Variants in POU2F1 observed in about 807,000 individuals in gnomAD.
The protein encoded by POU2F1 is POU class 2 homeobox 1.
In POU2F1, 16 loss-of-function variants were observed where a neutral mutation model predicts 84.9. The observed-to-expected ratio is 0.19, with a 90% confidence interval of 0.13 to 0.29. The LOEUF is 0.29. POU2F1 is among the 10% of genes least tolerant of loss of function. POU2F1 has a pLI of 1.00. For missense variants in POU2F1, 738 were observed against 942.6 expected (o/e 0.78, Z 2.84); for synonymous variants, 368 against 368.3 (o/e 1.00, Z 0.01).
chr1:167,256,874 T>C (rs1211001801), intron 1 of POU2F1, among the ~76,000 whole-genome samples: 1 of 152,210 alleles, frequency 6.6e-6, no homozygotes, highest in Admixed American at 6.5e-5. Context: ...ATCTTTATTT[T>C]GAGGCAGTCA....
rs145436336 is a variant in POU2F1 at position 167,366,478 on chromosome 1, C to T, written c.228+911C>T. ...CTAAAGTCTTTTCATCAAAATATGT[C>T]ATCAGACCACCTAAACTATAAAAGA... is the stretch of plus-strand genomic sequence containing the variant. On this transcript the variant is annotated intron_variant, in intron 3 of 15. Coordinates refer to ENST00000367866, the MANE Select transcript of POU2F1 (RefSeq NM_002697.4). Among the ~76,000 whole-genome samples, 27 of 152,246 alleles carry T rather than the reference C, an allele frequency of 1.8e-4. 1 individual carries two copies. The East Asian group carries it at 5.2e-3, about 29-fold the overall frequency.
At chr1:167,280,487 A>G (rs1195295490) in intron 1 of POU2F1, among the ~76,000 whole-genome samples, 1 of 152,134 alleles carries the variant, frequency 6.6e-6, no homozygotes, top group Admixed American at 6.5e-5. Flanking sequence ...TTCTATAGTC[A>G]GTCATCCTGT....
chr1:167,368,811 T>G (rs1378429271), intron 3 of POU2F1, among the ~76,000 whole-genome samples: 1 of 152,214 alleles, frequency 6.6e-6, no homozygotes, highest in Admixed American at 6.5e-5. Context: ...CTCTTAACTC[T>G]TCACTGAGCT....
intron 13 of POU2F1, among the ~76,000 whole-genome samples, chr1:167,411,112 T>C (rs1255681745): frequency 6.6e-6 from 1 of 151,834 alleles, no homozygotes; most frequent in South Asian, 2.1e-4. Context: ...CAATCTTGGC[T>C]CACTGCAACC....
intron 13 of POU2F1, among the ~76,000 whole-genome samples, chr1:167,404,539 T>G (rs1466256712): frequency 6.6e-6 from 1 of 152,180 alleles, no homozygotes. Context: ...TACACTAGAA[T>G]CCTTAGCGTT....
At chr1:167,392,471 C>G (rs773243293) in intron 9 of POU2F1, among the ~76,000 whole-genome samples, 2 of 152,104 alleles carry the variant, frequency 1.3e-5, no homozygotes, top group Admixed American at 6.5e-5. Flanking sequence ...AAGTTTTAAA[C>G]TATTAGCACA....
At position 167,365,583 on chromosome 1, in the gene POU2F1, T is replaced by C; in HGVS notation, c.228+16T>C. The stretch of plus-strand genomic sequence containing the variant: ...TCTCCATCAGGTAGGAATGTTCTGC[T>C]CAACCATCAGTGAGAGTGAAAGATA... On this transcript the variant is annotated intron_variant, in intron 3 of 15. Coordinates refer to ENST00000367866, the MANE Select transcript of POU2F1 (RefSeq NM_002697.4). 1.3e-6 allele frequency: 2 copies of C among 1,551,710 alleles called. No individual in the cohort carries two copies. The highest frequency in any genetic ancestry group is 8.7e-7 in the Non-Finnish European group (1 of 1,143,300).
chr1:167,267,630 C>CTTT (rs71073658), intron 1 of POU2F1, among the ~76,000 whole-genome samples: 4,417 of 70,338 alleles, frequency 0.063, 809 homozygotes, highest in African/African-American at 0.098. Flanking sequence ...GTTACTGTGT[C>CTTT]TTTTTTTTTT....
At chr1:167,365,402 T>C (rs1571377275) in intron 2 of POU2F1, 65 bp from the exon 3 acceptor site, 3 of 1,273,742 alleles carry the variant, frequency 2.4e-6, no homozygotes, top group Non-Finnish European at 3.2e-6. Flanking sequence ...TGTTGGTAAC[T>C]GAAATCTAGT....
intron 1 of POU2F1, among the ~76,000 whole-genome samples, chr1:167,288,486 C>G (rs145389041): frequency 2.0e-5 from 3 of 151,998 alleles, no homozygotes. Flanking sequence ...CTCAGGAGTT[C>G]GAGTCTAGCC....
At chr1:167,292,806 C>T (rs1471018415) in intron 1 of POU2F1, among the ~76,000 whole-genome samples, 2 of 152,108 alleles carry the variant, frequency 1.3e-5, no homozygotes. Context: ...GACAATCCAC[C>T]ATGATCAAGT....
intron 15 of POU2F1, chr1:167,414,623 T>TG: frequency 1.0e-6 from 1 of 985,406 alleles, no homozygotes; most frequent in Non-Finnish European, 1.2e-6. Flanking sequence ...GATGATGCCT[T>TG]CTTTGGGGAA....
At chr1:167,300,780 A>C (rs1654634249) in intron 1 of POU2F1, among the ~76,000 whole-genome samples, 1 of 150,004 alleles carries the variant, frequency 6.7e-6, no homozygotes, top group Admixed American at 6.6e-5. Flanking sequence ...TTTATTTTTT[A>C]TTTTTTTGGA....
intron 1 of POU2F1, among the ~76,000 whole-genome samples, chr1:167,270,586 C>A (rs544823547): frequency 5.9e-5 from 9 of 152,176 alleles, no homozygotes; most frequent in African/African-American, 1.9e-4. Flanking sequence ...ACTTGTAGTT[C>A]TAATATTTTC....
intron 1 of POU2F1, among the ~76,000 whole-genome samples, chr1:167,234,237 A>G (rs1450022236): frequency 6.6e-6 from 1 of 152,260 alleles, no homozygotes; most frequent in Non-Finnish European, 1.5e-5. Context: ...TCCCAGGTCC[A>G]GATTGTGTGC....
intron 1 of POU2F1, among the ~76,000 whole-genome samples, chr1:167,302,261 C>CT (rs1654756687): frequency 6.6e-6 from 1 of 150,396 alleles, no homozygotes; most frequent in African/African-American, 2.5e-5. Flanking sequence ...TTTTTTTTTT[C>CT]TTTTCTTTTT....
intron 1 of POU2F1, among the ~76,000 whole-genome samples, chr1:167,225,854 A>G (rs1449761084): frequency 6.6e-6 from 1 of 152,192 alleles, no homozygotes; most frequent in African/African-American, 2.4e-5. Flanking sequence ...TTGAAACCCC[A>G]TAGTTGTAAT....
chr1:167,310,588 A>C (rs902203622), intron 1 of POU2F1, among the ~76,000 whole-genome samples: 1 of 152,194 alleles, frequency 6.6e-6, no homozygotes, highest in African/African-American at 2.4e-5. Flanking sequence ...ATAAAGGAAC[A>C]GTTTACCAAG....
intron 7 of POU2F1, among the ~76,000 whole-genome samples, chr1:167,383,078 A>G (rs1647685330): frequency 6.6e-6 from 1 of 152,202 alleles, no homozygotes; most frequent in Non-Finnish European, 1.5e-5. Flanking sequence ...TTTGTCGAAT[A>G]CTTTCTACCA....
Sources: gnomAD v4.1 joint callset for allele counts (sites outside exome capture counted in the v4.1 genomes callset) on GRCh38, gnomAD v4.1.1 for gene constraint, MANE v1.5 for transcripts, NCBI Gene and HGNC (gene_info 2026-07-23, HGNC 2026-07-21) for gene names.